ITGAL: variants seen among roughly 807,000 people sequenced by gnomAD.
ITGAL encodes the protein integrin subunit alpha L.
In ITGAL, 68 loss-of-function variants were observed where a neutral mutation model predicts 138.4. The ratio of observed to expected loss-of-function variants is 0.49; its 90% CI spans 0.40 to 0.60. The LOEUF (loss-of-function observed/expected upper bound fraction) is 0.60. Among genes scored for constraint, ITGAL ranks in the 20% least tolerant of loss-of-function variants. The pLI is 0.00. For synonymous variants in ITGAL, 561 were observed against 584.3 expected (o/e 0.96, Z 0.57); for missense variants, 1,256 against 1,478.6 (o/e 0.85, Z 2.47).
chr16:30,502,858 G>A (rs539258974), intron 17 of ITGAL, among the ~76,000 whole-genome samples: 3 of 151,014 alleles, frequency 2.0e-5, no homozygotes, highest in Non-Finnish European at 2.9e-5. Context: ...GTGTTGCCCA[G>A]GCTAGAATGC....
chr16:30,478,712 AAAAG>A (rs1567462780), intron 4 of ITGAL, among the ~76,000 whole-genome samples: 43 of 151,554 alleles, frequency 2.8e-4, no homozygotes, highest in African/African-American at 9.9e-4. Flanking sequence ...AAAAAAAAAA[AAAAG>A]AAAGAAAGAA....
chr16:30,481,682 C>A, intron 7 of ITGAL, 98 bp downstream of exon 7: 1 of 1,011,252 alleles, frequency 9.9e-7, no homozygotes, highest in Non-Finnish European at 1.5e-6. Flanking sequence ...TAGGTAGGTA[C>A]AGCAAGGGGC....
intron 21 of ITGAL, among the ~76,000 whole-genome samples, chr16:30,508,209 ATTT>A (rs71149036): frequency 7.4e-5 from 7 of 95,082 alleles, no homozygotes; most frequent in Admixed American, 1.1e-4. Context: ...CGCCCGGCCT[ATTT>A]TTTTTTTTTT....
chr16:30,503,860 A>C (rs761492734), intron 17 of ITGAL: 10 of 196,708 alleles, frequency 5.1e-5, no homozygotes, highest in Non-Finnish European at 7.3e-5. Flanking sequence ...AAATTTTCTT[A>C]AGCAAACTTT....
At chr16:30,481,143 A>AACAC (rs60456127) in intron 6 of ITGAL, 18,666 of 215,610 alleles carry the variant, frequency 0.087, 1,046 homozygotes, top group Admixed American at 0.21. Flanking sequence ...CTCTACTAAA[A>AACAC]ACACACACAC....
intron 30 of ITGAL, among the ~76,000 whole-genome samples, chr16:30,521,015 C>T (rs932594138): frequency 2.6e-5 from 4 of 151,892 alleles, no homozygotes; most frequent in African/African-American, 7.3e-5. Context: ...ACCTGGGAGG[C>T]GGAGCTTGCG....
chr16:30,492,986 C>T (rs1032518206), intron 11 of ITGAL, among the ~76,000 whole-genome samples: 3 of 152,022 alleles, frequency 2.0e-5, no homozygotes, highest in Non-Finnish European at 4.4e-5. Context: ...TGGGTTCAAG[C>T]AATCCTTTTG....
At position 30,472,791 on chromosome 16, in the gene ITGAL, C is replaced by T. The variant is rs747422101; in HGVS notation, c.-47C>T. ...TAGGTTGCCAGCAAATCCCACGGGC[C>T]TCCTGACGCTGCCCCTGGGGCCACA... On this transcript the variant is annotated 5_prime_UTR_variant, in exon 1 of 31. Coordinates refer to ENST00000356798, the MANE Select transcript of ITGAL (RefSeq NM_002209.3). 2.1e-5 allele frequency: 34 copies of T among 1,581,624 alleles called. No homozygotes were observed. Among genetic ancestry groups the T allele is most frequent in the Non-Finnish European group, 2.8e-5 (32 of 1,154,978 alleles).
intron 11 of ITGAL, 94 bp downstream of exon 11, chr16:30,489,480 C>G: frequency 8.1e-7 from 1 of 1,236,892 alleles, no homozygotes; most frequent in East Asian, 2.3e-5. Flanking sequence ...AGCAGTTAAG[C>G]AACCAGCATG....
Position 30,506,710 on chromosome 16 carries a change from C to G in ITGAL, c.2367-5C>G. On this transcript the variant is annotated splice_region_variant and splice_polypyrimidine_tract_variant and intron_variant, in intron 20 of 30. Coordinates refer to ENST00000356798, the MANE Select transcript of ITGAL (RefSeq NM_002209.3). ...CCTCCATCTTTCCCTGATCATCCCC[C>G]ACAGATCCAGAGCCCTGCGTCTAAC... is the stretch of plus-strand genomic sequence containing the variant. 6.2e-7 allele frequency: 1 copy of G among 1,612,526 alleles called. No homozygotes were observed. Among genetic ancestry groups the G allele is most frequent in the Non-Finnish European group, 8.5e-7 (1 of 1,179,064 alleles).
intron 11 of ITGAL, 47 bp downstream of exon 11, chr16:30,489,433 G>C: frequency 6.3e-7 from 1 of 1,599,008 alleles, no homozygotes; most frequent in Non-Finnish European, 8.6e-7. Flanking sequence ...GTTGAGGTCA[G>C]ATGGTCGCTC....
Position 30,521,543 on chromosome 16 carries a change from G to GT in ITGAL, c.3392dup (p.Asn1133GlufsTer9), listed in dbSNP as rs1567494923. ...GGAGAAGATGGAGGCTGGCAGAGGT[G>GT]TCCCGAATGGAATCCCTGCAGAAGA... On this transcript the variant is annotated frameshift_variant, in exon 31 of 31. Coordinates refer to ENST00000356798, the MANE Select transcript of ITGAL (RefSeq NM_002209.3). LOFTEE classifies it low-confidence loss of function (END_TRUNC). 4 of 1,614,232 alleles carry GT rather than the reference G, an allele frequency of 2.5e-6. No homozygotes were observed. The highest frequency in any genetic ancestry group is 3.3e-4 in the Middle Eastern group (2 of 6,062).
chr16:30,511,818 G>A (rs934774452), intron 24 of ITGAL, among the ~76,000 whole-genome samples: 2 of 152,216 alleles, frequency 1.3e-5, no homozygotes, highest in Admixed American at 1.3e-4. Flanking sequence ...ACTCTGGTCT[G>A]GCTGCTTGTT....
chr16:30,499,731 A>AT (rs1391197801), intron 17 of ITGAL, among the ~76,000 whole-genome samples: 1,623 of 96,636 alleles, frequency 0.017, 50 homozygotes, highest in African/African-American at 0.029. Context: ...ATATATATAT[A>AT]TATTTTTTTT....
At chr16:30,515,879 G>C (rs546219711) in intron 25 of ITGAL, among the ~76,000 whole-genome samples, 1 of 152,156 alleles carries the variant, frequency 6.6e-6, no homozygotes, top group African/African-American at 2.4e-5. Flanking sequence ...GGCTGAGGCA[G>C]GAGAATCGCT....
chr16:30,476,027 G>T (rs1470439536), intron 4 of ITGAL, among the ~76,000 whole-genome samples: 1 of 151,990 alleles, frequency 6.6e-6, no homozygotes, highest in Non-Finnish European at 1.5e-5. Flanking sequence ...GAGGCAGGCG[G>T]ATCACGAGGT....
At chr16:30,513,959 T>TCA (rs1325348386) in intron 25 of ITGAL, 113 bp downstream of exon 25, 1 of 787,072 alleles carries the variant, frequency 1.3e-6, no homozygotes, top group East Asian at 2.6e-5. Context: ...ATCCAACTGT[T>TCA]CAATAATCCT....
At chr16:30,493,293 A>ATTTG (rs2050751574) in intron 11 of ITGAL, among the ~76,000 whole-genome samples, 1 of 55,792 alleles carries the variant, frequency 1.8e-5, no homozygotes, top group Non-Finnish European at 3.7e-5. Context: ...TTATTTATTT[A>ATTTG]TTTTGAGACG....
intron 6 of ITGAL, chr16:30,481,171 CACACACACACACCA>C: frequency 2.6e-6 from 1 of 390,106 alleles, no homozygotes. Context: ...CACACACACA[CACACACACACACCA>C]CACACACACA....
Sources: allele counts gnomAD v4.1 joint callset (sites outside exome capture counted in the v4.1 genomes callset), GRCh38; gene constraint gnomAD v4.1.1; transcripts MANE v1.5; gene names NCBI Gene and HGNC (gene_info 2026-07-23, HGNC 2026-07-21).